Variants in ROBO1 observed in about 807,000 individuals in gnomAD.
ROBO1 encodes roundabout homolog 1.
A neutral mutation model predicts 195.9 loss-of-function variants in ROBO1; 149 were observed. The observed-to-expected ratio is 0.76, with a 90% CI of 0.67 to 0.87. ROBO1 has a LOEUF of 0.87. Among genes scored for constraint, ROBO1 ranks in the 40% least tolerant of loss-of-function variants. The pLI is 0.00. For missense variants in ROBO1, 1,933 were observed against 2,068.3 expected, an observed-to-expected ratio of 0.93 and a Z score of 1.27; for synonymous variants, 816 against 733.2, an observed-to-expected ratio of 1.11 and a Z score of -1.82.
At chr3:79,018,374 G>C (rs375559532) in intron 3 of ROBO1, 125 of 1,613,178 alleles carry the variant, frequency 7.7e-5, no homozygotes, top group Non-Finnish European at 9.6e-5. Flanking sequence ...GAACAGGGAG[G>C]ATCAAGGGTG....
At chr3:79,211,164 GT>G (rs1186270838) in intron 2 of ROBO1, among the ~76,000 whole-genome samples, 1 of 151,850 alleles carries the variant, frequency 6.6e-6, no homozygotes, top group Non-Finnish European at 1.5e-5. Flanking sequence ...CTTTATACAA[GT>G]TTTTTTATTA....
At chr3:78,624,022 G>A (rs1704609250) in intron 26 of ROBO1, among the ~76,000 whole-genome samples, 1 of 152,208 alleles carries the variant, frequency 6.6e-6, no homozygotes, top group Non-Finnish European at 1.5e-5. Flanking sequence ...ATCAAAAAAG[G>A]TAGATACAAT....
At chr3:79,369,404 C>T (rs1329812527) in intron 2 of ROBO1, among the ~76,000 whole-genome samples, 1 of 152,196 alleles carries the variant, frequency 6.6e-6, no homozygotes, top group African/African-American at 2.4e-5. Context: ...TGGGAAAAGT[C>T]AGCTATAAAA....
At chr3:78,954,056 T>G (rs1365412452) in intron 3 of ROBO1, among the ~76,000 whole-genome samples, 1 of 151,972 alleles carries the variant, frequency 6.6e-6, no homozygotes, top group Non-Finnish European at 1.5e-5. Context: ...AATCTTTAGT[T>G]TAAGTTGAGC....
At chr3:79,574,105 G>A (rs1943368787) in intron 2 of ROBO1, among the ~76,000 whole-genome samples, 2 of 152,052 alleles carry the variant, frequency 1.3e-5, no homozygotes, top group African/African-American at 4.8e-5. Flanking sequence ...TTATGTTGAA[G>A]CAGGTCGCTT....
rs988416757 is a variant in ROBO1 at position 79,243,381 on chromosome 3, T to C, written c.89-117842A>G. 2.9e-3 allele frequency among the ~76,000 whole-genome samples: 443 copies of C among 152,262 alleles called. 1 individual carries two copies. The highest frequency in any genetic ancestry group is 0.01 in the African/African-American group (424 of 41,558). On this transcript the variant is annotated intron_variant, in intron 2 of 30. Transcript: ENST00000464233. ...GGATGGCTGGTTCAAATGGTATTTC[T>C]AGTTCTAGATCCCTGAGGAATCGCC...
At chr3:79,426,600 T>G (rs969708464) in intron 2 of ROBO1, among the ~76,000 whole-genome samples, 7 of 152,120 alleles carry the variant, frequency 4.6e-5, no homozygotes, top group Non-Finnish European at 1.0e-4. Context: ...ACTCCTGACC[T>G]CAGGTGATCC....
chr3:79,033,218 A>C (rs2078326341), intron 3 of ROBO1, among the ~76,000 whole-genome samples: 1 of 152,108 alleles, frequency 6.6e-6, no homozygotes, highest in East Asian at 1.9e-4. Flanking sequence ...GGGATTTTCC[A>C]ACAAGATATG....
chr3:79,223,438 C>T (rs1377056453), intron 2 of ROBO1, among the ~76,000 whole-genome samples: 1 of 152,230 alleles, frequency 6.6e-6, no homozygotes, highest in South Asian at 2.1e-4. Flanking sequence ...GCCCAGCTGC[C>T]TTATCAGTCT....
rs1394247494 is a variant in ROBO1 at position 79,550,168 on chromosome 3, G to GAAAGAAAGAAAGAAAGAAAGAAAGA, written c.88+39655_88+39656insTCTTTCTTTCTTTCTTTCTTTCTTT. Among the ~76,000 whole-genome samples the GAAAGAAAGAAAGAAAGAAAGAAAGA allele has an allele frequency of 5.8e-4, 56 of 96,910 alleles. 6 individuals are homozygous for GAAAGAAAGAAAGAAAGAAAGAAAGA. Among genetic ancestry groups the GAAAGAAAGAAAGAAAGAAAGAAAGA allele is most frequent in the South Asian group, 3.7e-3 (11 of 2,950 alleles). The allele number at this position is 96,910 out of a possible 152,430, so 63.6% of individuals were successfully genotyped here. The stretch of plus-strand genomic sequence containing the variant: ...AAAAGAAAGGAAGAAAGAAAGAAAG[G>GAAAGAAAGAAAGAAAGAAAGAAAGA]AAGAAAGAAAGAAAGAAAGAAAGAA... On this transcript the variant is annotated intron_variant, in intron 2 of 30. Coordinates refer to ENST00000464233, the MANE Select transcript of ROBO1 (RefSeq NM_002941.4).
chr3:79,289,965 CA>C (rs368265495), intron 2 of ROBO1, among the ~76,000 whole-genome samples: 15 of 148,274 alleles, frequency 1.0e-4, no homozygotes, highest in South Asian at 4.3e-4. Context: ...TACAGAAGAA[CA>C]AAAAAAAAAT....
At chr3:79,626,077 AACCAAAGACAGAAACC>A (rs1279397581) in intron 1 of ROBO1, among the ~76,000 whole-genome samples, 1 of 152,212 alleles carries the variant, frequency 6.6e-6, no homozygotes, top group Non-Finnish European at 1.5e-5. Flanking sequence ...ACATAAACAG[AACCAAAGACAGAAACC>A]ACATGATTAT....
At chr3:79,311,991 A>C (rs899188519) in intron 2 of ROBO1, among the ~76,000 whole-genome samples, 1 of 152,146 alleles carries the variant, frequency 6.6e-6, no homozygotes, top group African/African-American at 2.4e-5. Flanking sequence ...CTCCCCTCAC[A>C]TAATTAAATC....
intron 4 of ROBO1, among the ~76,000 whole-genome samples, chr3:78,770,675 G>A (rs2083349899): frequency 6.6e-6 from 1 of 152,136 alleles, no homozygotes; most frequent in South Asian, 2.1e-4. Flanking sequence ...ACTTGCTTTT[G>A]AGGACATAGT....
At chr3:79,371,866 C>A (rs1483084295) in intron 2 of ROBO1, among the ~76,000 whole-genome samples, 1 of 152,160 alleles carries the variant, frequency 6.6e-6, no homozygotes, top group African/African-American at 2.4e-5. Context: ...GGTCCCTAAC[C>A]TTTTAGGCAC....
intron 2 of ROBO1, among the ~76,000 whole-genome samples, chr3:79,249,797 A>G (rs753251032): frequency 4.6e-5 from 7 of 152,198 alleles, no homozygotes; most frequent in Non-Finnish European, 8.8e-5. Context: ...AGTGTAGAAG[A>G]AAGAAGTGTG....
At chr3:78,721,630 T>A (rs1203149991) in intron 5 of ROBO1, among the ~76,000 whole-genome samples, 1 of 152,222 alleles carries the variant, frequency 6.6e-6, no homozygotes, top group African/African-American at 2.4e-5. Flanking sequence ...ATGTTTTTTA[T>A]CTACTATAAA....
intron 2 of ROBO1, among the ~76,000 whole-genome samples, chr3:79,345,066 T>G (rs2035059464): frequency 6.6e-6 from 1 of 152,166 alleles, no homozygotes; most frequent in Admixed American, 6.5e-5. Context: ...AGGTATTTCC[T>G]TATAGCAGTG....
At chr3:78,916,878 T>C (rs1236121711) in intron 4 of ROBO1, among the ~76,000 whole-genome samples, 1 of 152,146 alleles carries the variant, frequency 6.6e-6, no homozygotes, top group Non-Finnish European at 1.5e-5. Flanking sequence ...CTAAAAACTG[T>C]CATAACCATC....
Sources: gnomAD v4.1 joint callset for allele counts (sites outside exome capture counted in the v4.1 genomes callset) on GRCh38, gnomAD v4.1.1 for gene constraint, MANE v1.5 for transcripts, NCBI Gene and HGNC (gene_info 2026-07-23, HGNC 2026-07-21) for gene names.